The following HSPA4 variants were observed in gnomAD, a reference collection of about 807,000 sequenced individuals.
The protein encoded by HSPA4 is heat shock protein family A (Hsp70) member 4.
In HSPA4, 25 loss-of-function variants were observed where a neutral mutation model predicts 106.2. That is an observed-to-expected ratio of 0.24 (90% CI 0.17 to 0.33). HSPA4 has a LOEUF of 0.33. HSPA4 is among the 10% of genes least tolerant of loss of function. The pLI, the probability that HSPA4 is intolerant of heterozygous loss-of-function variation, is 1.00. For synonymous variants in HSPA4, 332 were observed against 333.6 expected, an observed-to-expected ratio of 1.00 and a Z score of 0.05; for missense variants, 841 against 996.0, an observed-to-expected ratio of 0.84 and a Z score of 2.10.
chr5:133,103,637 T>C (rs1765817907), intron 17 of HSPA4, among the ~76,000 whole-genome samples: 1 of 152,252 alleles, frequency 6.6e-6, no homozygotes, highest in Non-Finnish European at 1.5e-5. Flanking sequence ...AGCCTTTTAA[T>C]TGATACCTTA....
At chr5:133,100,564 C>T (rs916847950) in intron 16 of HSPA4, among the ~76,000 whole-genome samples, 1 of 151,994 alleles carries the variant, frequency 6.6e-6, no homozygotes, top group Middle Eastern at 3.2e-3. Context: ...CTTTGGGAGG[C>T]CTAGGCGGGC....
chr5:133,098,019 C>T (rs537991267), intron 15 of HSPA4, among the ~76,000 whole-genome samples: 11 of 151,888 alleles, frequency 7.2e-5, no homozygotes, highest in Admixed American at 2.0e-4. Context: ...CTGTCATCCA[C>T]GTCCTGTACA....
intron 16 of HSPA4, among the ~76,000 whole-genome samples, chr5:133,100,793 C>G (rs1765775340): frequency 6.6e-6 from 1 of 152,126 alleles, no homozygotes; most frequent in Non-Finnish European, 1.5e-5. Context: ...AAATTTAGCT[C>G]TGGATTACTT....
At chr5:133,088,935 C>T (rs973744422) in intron 9 of HSPA4, 120 bp from the exon 10 acceptor site, 1 of 527,184 alleles carries the variant, frequency 1.9e-6, no homozygotes, top group Non-Finnish European at 3.3e-6. Flanking sequence ...CATTAAATTA[C>T]TAATATAAAT....
intron 15 of HSPA4, among the ~76,000 whole-genome samples, chr5:133,097,669 C>T (rs1232009935): frequency 6.6e-6 from 1 of 151,506 alleles, no homozygotes; most frequent in African/African-American, 2.4e-5. Context: ...CTCCCCCAGC[C>T]TCCCGAATAG....
Position 133,103,871 on chromosome 5 carries a change from C to CAGTATG in HSPA4, c.2166_2171dup (p.Tyr723_Asp724insGluTyr). On this transcript the variant is annotated inframe_insertion, in exon 18 of 19. Coordinates refer to ENST00000304858, the MANE Select transcript of HSPA4 (RefSeq NM_002154.4). Reference sequence around the variant, plus strand: ...GACTGTCTCCTGGTTGCAGGAGGACCAGTATGATCATTTGGATGCTGCTGA... The same window carrying CAGTATG: ...GACTGTCTCCTGGTTGCAGGAGGACCAGTATGAGTATGATCATTTGGATGCTGCTGA... The CAGTATG allele has an allele frequency of 6.2e-7, 1 of 1,612,916 alleles. No homozygotes were observed. Among genetic ancestry groups the CAGTATG allele is most frequent in the Admixed American group, 1.7e-5 (1 of 59,764 alleles).
chr5:133,052,470 G>A, intron 1 of HSPA4, 113 bp downstream of exon 1: 2 of 718,508 alleles, frequency 2.8e-6, no homozygotes, highest in Admixed American at 3.0e-5. Flanking sequence ...TCCGTTCCGA[G>A]CCGAGGTCCC....
rs548372161 is a variant in HSPA4, at chr5:133,052,067, C to T, written c.-184C>T. ...CTCCTCTGCGGCCACTGAGCCGGAG[C>T]CGGCCTGAGCAGCGCTCTCGGTTGC... On this transcript the variant is annotated 5_prime_UTR_variant, in exon 1 of 19. Transcript: ENST00000304858. 86 of 545,594 alleles carry T rather than the reference C, an allele frequency of 1.6e-4. No individual in the cohort carries two copies. The highest frequency in any genetic ancestry group is 2.3e-4 in the Non-Finnish European group (72 of 307,392). 33.8% of individuals were successfully genotyped at this position (545,594 alleles called of 1,614,324 possible).
intron 7 of HSPA4, among the ~76,000 whole-genome samples, chr5:133,085,807 G>A (rs1195987741): frequency 1.3e-5 from 2 of 152,044 alleles, no homozygotes; most frequent in South Asian, 2.1e-4. Context: ...ATGAATAGTT[G>A]GAGCACAGTG....
At chr5:133,084,204 T>C in intron 7 of HSPA4, among the ~76,000 whole-genome samples, 1 of 152,362 alleles carries the variant, frequency 6.6e-6, no homozygotes. Flanking sequence ...TTATGTAGTT[T>C]TTTGTGTAAG....
intron 1 of HSPA4, among the ~76,000 whole-genome samples, chr5:133,062,960 G>A (rs76194007): frequency 6.6e-6 from 1 of 152,172 alleles, no homozygotes; most frequent in South Asian, 2.1e-4. Flanking sequence ...AGGCAGTATG[G>A]TTCCAGAGCT....
At chr5:133,065,625 A>G (rs1561577232) in intron 2 of HSPA4, among the ~76,000 whole-genome samples, 2 of 152,194 alleles carry the variant, frequency 1.3e-5, no homozygotes, top group Admixed American at 6.5e-5. Context: ...GTTCCTTGAT[A>G]TTTTACATGC....
At position 133,091,235 on chromosome 5, in the gene HSPA4, C is replaced by T; in HGVS notation, c.1421C>T (p.Ser474Phe). ...AAAGTCACTCCTCAGTCTGATGGCT[C>T]CAGTTCAAAAGTGAAAGTCAAAGTT... ...VQKVTPQSDG[S>F]SSKVKVKVRV... Residue 474 changes from serine to phenylalanine, a missense_variant, in exon 12 of 19, where the codon TCC becomes TTC. Physicochemically the swap from Ser to Phe is radical, Grantham distance 155. This residue lies in a region of HSPA4 where 162 missense variants were observed against 177.7 expected (regional missense o/e 0.91). Transcript: ENST00000304858. 6.2e-7 allele frequency: 1 copy of T among 1,614,034 alleles called. No individual in the cohort carries two copies. The highest frequency in any genetic ancestry group is 1.1e-5 in the South Asian group (1 of 91,074).
At chr5:133,081,078 C>T (rs1765509001) in intron 7 of HSPA4, among the ~76,000 whole-genome samples, 1 of 152,006 alleles carries the variant, frequency 6.6e-6, no homozygotes, top group Non-Finnish European at 1.5e-5. Flanking sequence ...GACAGAGTCT[C>T]AGTAGGTCAC....
chr5:133,099,623 G>A lies in HSPA4; in HGVS notation c.2008G>A (p.Val670Ile), dbSNP rs2126716855. Residue 670 changes from valine (V) to isoleucine (I), a missense_variant, in exon 16 of 19, where the codon GTT becomes ATT. Around this residue, in one of 5 missense-constraint regions of HSPA4, gnomAD observed 328 missense variants for 372.2 expected, o/e 0.88. Transcript: ENST00000304858. ...GGATGGAGAAGACCAGCCAAAGCAA[G>A]TTTATGTTGATAAGTTGGCTGAATT... The part of the protein sequence containing the change: ...YEDGEDQPKQ[V>I]YVDKLAELKN... The A allele has an allele frequency of 6.3e-7, 1 of 1,599,808 alleles. No homozygotes were observed. Among genetic ancestry groups the A allele is most frequent in the Non-Finnish European group, 8.6e-7 (1 of 1,168,624 alleles).
At position 133,104,687 on chromosome 5, in the gene HSPA4, T is replaced by G. The variant is rs1255174247; in HGVS notation, c.*251T>G. The G allele has an allele frequency of 4.5e-6, 2 of 443,852 alleles. No homozygotes were observed. Among genetic ancestry groups the G allele is most frequent in the African/African-American group, 4.0e-5 (2 of 50,068 alleles). The allele number at this position is 443,852 out of a possible 1,614,324, so 27.5% of individuals were successfully genotyped here. On this transcript the variant is annotated 3_prime_UTR_variant, in exon 19 of 19. Coordinates refer to ENST00000304858, the MANE Select transcript of HSPA4 (RefSeq NM_002154.4). ...CCAGTTAGTCTTACTGAGCTTATGC[T>G]TCACTCCTTTATGTTTAACCATGTG...
intron 7 of HSPA4, among the ~76,000 whole-genome samples, chr5:133,086,181 C>G (rs1033313769): frequency 6.6e-6 from 1 of 152,210 alleles, no homozygotes; most frequent in African/African-American, 2.4e-5. Flanking sequence ...TGCCACTGCA[C>G]TCCAGTCTGG....
intron 15 of HSPA4, among the ~76,000 whole-genome samples, chr5:133,098,101 C>T: frequency 6.6e-6 from 1 of 151,896 alleles, no homozygotes; most frequent in Non-Finnish European, 1.5e-5. Flanking sequence ...CTCCAAAGTC[C>T]ATTATATTTC....
At chr5:133,055,202 C>T (rs1424920614) in intron 1 of HSPA4, among the ~76,000 whole-genome samples, 1 of 151,726 alleles carries the variant, frequency 6.6e-6, no homozygotes, top group Non-Finnish European at 1.5e-5. Flanking sequence ...AACTTACAGG[C>T]ATGCCATACA....
Sources: allele counts gnomAD v4.1 joint callset (sites outside exome capture counted in the v4.1 genomes callset), GRCh38; gene constraint gnomAD v4.1.1; regional missense constraint gnomAD v4.1.1; transcripts MANE v1.5; gene names NCBI Gene and HGNC (gene_info 2026-07-23, HGNC 2026-07-21).